The following PCDH9 variants were observed in gnomAD, a reference collection of about 807,000 sequenced individuals.
PCDH9 encodes the protein protocadherin 9, also known as protocadherin-9.
A neutral mutation model predicts 70.6 loss-of-function variants in PCDH9; 24 were observed. The observed-to-expected ratio is 0.34, with a 90% CI of 0.25 to 0.48. PCDH9 has a LOEUF of 0.48. PCDH9 is among the 20% of genes least tolerant of loss of function. The probability of loss-of-function intolerance (pLI) is 0.99; values close to 1 mark genes in which losing one functional copy is unlikely to be tolerated. For missense variants in PCDH9, 1,281 were observed against 1,503.6 expected (o/e 0.85, Z 2.45); for synonymous variants, 562 against 558.5 (o/e 1.01, Z -0.09).
At chr13:66,515,880 T>G (rs574716493) in intron 4 of PCDH9, among the ~76,000 whole-genome samples, 1 of 151,996 alleles carries the variant, frequency 6.6e-6, no homozygotes, top group Non-Finnish European at 1.5e-5. Flanking sequence ...GCTACACAAG[T>G]TTTTTGAGAA....
intron 3 of PCDH9, among the ~76,000 whole-genome samples, chr13:66,727,935 G>A (rs2079027038): frequency 6.6e-6 from 1 of 152,076 alleles, no homozygotes; most frequent in South Asian, 2.1e-4. Flanking sequence ...GTGGCAAAGA[G>A]CTCATTGTAT....
chr13:67,063,171 C>T (rs1414376555), intron 2 of PCDH9, among the ~76,000 whole-genome samples: 1 of 152,088 alleles, frequency 6.6e-6, no homozygotes, highest in Non-Finnish European at 1.5e-5. Flanking sequence ...GCTGATGGAG[C>T]AAGTACTACC....
intron 3 of PCDH9, among the ~76,000 whole-genome samples, chr13:66,778,228 C>T (rs1216013744): frequency 6.6e-6 from 1 of 151,944 alleles, no homozygotes; most frequent in Non-Finnish European, 1.5e-5. Flanking sequence ...CACATGTATA[C>T]ATATGTAACT....
intron 3 of PCDH9, among the ~76,000 whole-genome samples, chr13:66,887,555 T>A (rs150971696): frequency 1.3e-5 from 2 of 152,226 alleles, no homozygotes; most frequent in African/African-American, 4.8e-5. Flanking sequence ...ATAAACAGCA[T>A]GCACTTGTAA....
intron 4 of PCDH9, 51 bp from the exon 5 acceptor site, chr13:66,305,079 C>T: frequency 6.8e-7 from 1 of 1,478,424 alleles, no homozygotes. Flanking sequence ...TTAAAATTTT[C>T]AATTAGAATT....
intron 3 of PCDH9, among the ~76,000 whole-genome samples, chr13:66,645,915 G>A (rs1396528152): frequency 6.6e-6 from 1 of 152,168 alleles, no homozygotes; most frequent in Non-Finnish European, 1.5e-5. Flanking sequence ...TCTATACAGG[G>A]AAGTCTTCCA....
intron 4 of PCDH9, among the ~76,000 whole-genome samples, chr13:66,569,993 G>T (rs1236353182): frequency 6.6e-6 from 1 of 151,964 alleles, no homozygotes; most frequent in East Asian, 1.9e-4. Context: ...TTCCTAATAG[G>T]CAAAAATTTG....
At chr13:66,992,147 A>G (rs1308810522) in intron 2 of PCDH9, among the ~76,000 whole-genome samples, 1 of 152,170 alleles carries the variant, frequency 6.6e-6, no homozygotes, top group Non-Finnish European at 1.5e-5. Flanking sequence ...CCTAGCAGTG[A>G]GCACATTATA....
At chr13:66,497,474 T>C (rs770837280) in intron 4 of PCDH9, among the ~76,000 whole-genome samples, 1 of 152,232 alleles carries the variant, frequency 6.6e-6, no homozygotes, top group Admixed American at 6.5e-5. Flanking sequence ...ATAATTTCAG[T>C]TGAATTTCTC....
At chr13:67,059,394 A>G (rs1045423396) in intron 2 of PCDH9, among the ~76,000 whole-genome samples, 13 of 147,102 alleles carry the variant, frequency 8.8e-5, no homozygotes, top group Non-Finnish European at 1.8e-4. Flanking sequence ...AGTATATAGT[A>G]TATATAGTGT....
At chr13:66,350,569 G>A (rs1484246080) in intron 4 of PCDH9, among the ~76,000 whole-genome samples, 1 of 151,826 alleles carries the variant, frequency 6.6e-6, no homozygotes, top group African/African-American at 2.4e-5. Flanking sequence ...TCTGGCTCTC[G>A]GTCAATGAAA....
chr13:66,701,270 T>G (rs2078643722), intron 3 of PCDH9, among the ~76,000 whole-genome samples: 1 of 150,980 alleles, frequency 6.6e-6, no homozygotes, highest in East Asian at 2.0e-4. Context: ...TTTTTGTGTA[T>G]ATATATATAC....
At chr13:66,979,933 C>T (rs2083705032) in intron 2 of PCDH9, among the ~76,000 whole-genome samples, 1 of 151,642 alleles carries the variant, frequency 6.6e-6, no homozygotes, top group African/African-American at 2.4e-5. Context: ...TCTTTCTTTC[C>T]TATCTAATTC....
At chr13:66,633,637 G>A (rs1270256796) in intron 3 of PCDH9, among the ~76,000 whole-genome samples, 2 of 151,998 alleles carry the variant, frequency 1.3e-5, no homozygotes, top group Non-Finnish European at 2.9e-5. Flanking sequence ...TATCTCTTGA[G>A]GAATACCTCT....
At chr13:66,447,572 T>C (rs1030200445) in intron 4 of PCDH9, among the ~76,000 whole-genome samples, 3 of 152,144 alleles carry the variant, frequency 2.0e-5, no homozygotes, top group African/African-American at 7.2e-5. Context: ...TAAATCTATC[T>C]GTGGCAATTA....
At chr13:66,838,504 A>G (rs552294856) in intron 3 of PCDH9, among the ~76,000 whole-genome samples, 7 of 152,250 alleles carry the variant, frequency 4.6e-5, no homozygotes, top group African/African-American at 1.7e-4. Context: ...CAGGTTTTCA[A>G]AAGAGAACCT....
chr13:67,166,037 T>C (rs2088107310), intron 2 of PCDH9, among the ~76,000 whole-genome samples: 1 of 152,140 alleles, frequency 6.6e-6, no homozygotes, highest in Non-Finnish European at 1.5e-5. Context: ...TTCTCTTGAG[T>C]TAAAAAAGTC....
At chr13:66,552,360 G>A (rs935412863) in intron 4 of PCDH9, among the ~76,000 whole-genome samples, 3 of 152,002 alleles carry the variant, frequency 2.0e-5, no homozygotes, top group African/African-American at 2.4e-5. Context: ...TCCTAGGCGC[G>A]ATATTTGCAT....
chr13:66,674,621 C>A (rs922624996), intron 3 of PCDH9, among the ~76,000 whole-genome samples: 1 of 151,960 alleles, frequency 6.6e-6, no homozygotes, highest in Non-Finnish European at 1.5e-5. Context: ...GGAGGTCCGT[C>A]AAAGCAATAT....
Sources: gnomAD v4.1 joint callset for allele counts (sites outside exome capture counted in the v4.1 genomes callset) on GRCh38, gnomAD v4.1.1 for gene constraint, MANE v1.5 for transcripts, NCBI Gene and HGNC (gene_info 2026-07-23, HGNC 2026-07-21) for gene names.